The following TRIM2 variants were observed in gnomAD, a reference collection of about 807,000 sequenced individuals.
TRIM2 encodes tripartite motif containing 2, also known as tripartite motif-containing protein 2.
In TRIM2, 20 loss-of-function variants were observed where a neutral mutation model predicts 75.2. That is an observed-to-expected ratio of 0.27 (90% CI 0.19 to 0.39). TRIM2 has a LOEUF of 0.39. Ranked by LOEUF, TRIM2 falls within the 10% of genes least tolerant of loss-of-function variation. TRIM2 has a pLI of 1.00. For missense variants in TRIM2, 660 were observed against 990.8 expected, an observed-to-expected ratio of 0.67 and a Z score of 4.48; for synonymous variants, 373 against 388.3, an observed-to-expected ratio of 0.96 and a Z score of 0.46.
intron 1 of TRIM2, among the ~76,000 whole-genome samples, chr4:153,259,633 G>A (rs1190236688): frequency 6.6e-6 from 1 of 152,270 alleles, no homozygotes; most frequent in South Asian, 2.1e-4. Context: ...ATGATGATTT[G>A]CACATACCTG....
At chr4:153,216,258 A>G (rs1738440100) in intron 1 of TRIM2, among the ~76,000 whole-genome samples, 1 of 152,252 alleles carries the variant, frequency 6.6e-6, no homozygotes, top group South Asian at 2.1e-4. Flanking sequence ...AAGAAGATCA[A>G]TGTATCATCA....
At chr4:153,325,912 G>C (rs1770067663) in intron 10 of TRIM2, among the ~76,000 whole-genome samples, 1 of 152,198 alleles carries the variant, frequency 6.6e-6, no homozygotes, top group Admixed American at 6.5e-5. Flanking sequence ...TAAAACATAT[G>C]TAAGTAGCCA....
intron 6 of TRIM2, among the ~76,000 whole-genome samples, chr4:153,312,449 T>A (rs544170776): frequency 2.7e-5 from 4 of 149,216 alleles, no homozygotes; most frequent in East Asian, 2.0e-4. Context: ...AAAAAACACA[T>A]GAAAAAATGC....
rs1772764988 is a variant in TRIM2, at chr4:153,338,872, A to G, written c.*3906A>G. On this transcript the variant is annotated 3_prime_UTR_variant, in exon 12 of 12. Coordinates refer to ENST00000338700, the MANE Select transcript of TRIM2 (RefSeq NM_015271.5). The stretch of plus-strand genomic sequence containing the variant: ...ATGACATGGGAATGTTCTGTCATCA[A>G]TGGAGTGTATTCTTGTAATAGAATT... 2 of 985,622 alleles carry G rather than the reference A, an allele frequency of 2.0e-6. No individual in the cohort carries two copies. The highest frequency in any genetic ancestry group is 4.7e-5 in the South Asian group (1 of 21,288). 61.1% of individuals were successfully genotyped at this position (985,622 alleles called of 1,614,324 possible). A position where few individuals can be genotyped will look rare whatever the true frequency, so the allele number is the denominator to read the frequency against.
At chr4:153,230,854 T>C (rs1743432396) in intron 1 of TRIM2, among the ~76,000 whole-genome samples, 1 of 152,246 alleles carries the variant, frequency 6.6e-6, no homozygotes, top group Admixed American at 6.5e-5. Flanking sequence ...GGTAACTAGC[T>C]GAGCTCACTT....
intron 1 of TRIM2, among the ~76,000 whole-genome samples, chr4:153,178,186 G>T (rs926452612): frequency 3.9e-5 from 6 of 152,058 alleles, no homozygotes; most frequent in Admixed American, 1.3e-4. Flanking sequence ...GGACCCAAGA[G>T]CCCCACTGAG....
intron 3 of TRIM2, among the ~76,000 whole-genome samples, chr4:153,279,907 C>T (rs1039199369): frequency 1.3e-5 from 2 of 148,442 alleles, no homozygotes; most frequent in Non-Finnish European, 3.0e-5. Flanking sequence ...TGTGCCACTG[C>T]ACTCCAGCTT....
chr4:153,157,587 C>T (rs1729352002), intron 1 of TRIM2, among the ~76,000 whole-genome samples: 2 of 152,168 alleles, frequency 1.3e-5, no homozygotes, highest in African/African-American at 4.8e-5. Flanking sequence ...AGATGCTCTA[C>T]CCTGGCATAA....
chr4:153,185,153 C>T (rs1429391584), intron 1 of TRIM2, among the ~76,000 whole-genome samples: 1 of 152,002 alleles, frequency 6.6e-6, no homozygotes, highest in Non-Finnish European at 1.5e-5. Flanking sequence ...GAATGAATTC[C>T]AAAACAAATG....
rs3932869 is a variant in TRIM2, at chr4:153,315,497, G to A, written c.1523G>A (p.Arg508Lys). 3 of 1,599,882 alleles carry A rather than the reference G, an allele frequency of 1.9e-6. No individual in the cohort carries two copies. Among genetic ancestry groups the A allele is most frequent in the Non-Finnish European group, 2.6e-6 (3 of 1,176,442 alleles). ...TCATTTATTTTAGGTACCAAAGGAA[G>A]AAATAAAGGAGAGTTTACAAATCTT... Reference protein sequence around the residue: ...DLIFRVGTKGRNKGEFTNLQG... With the variant: ...DLIFRVGTKGKNKGEFTNLQG... Residue 508 changes from arginine to lysine, a missense_variant, in exon 7 of 12, where the codon AGA (arginine) becomes AAA (lysine). Transcript: ENST00000338700.
chr4:153,261,599 T>C (rs1185859766), intron 1 of TRIM2, among the ~76,000 whole-genome samples: 1 of 152,116 alleles, frequency 6.6e-6, no homozygotes, highest in Non-Finnish European at 1.5e-5. Flanking sequence ...TAAAATTTTG[T>C]TTTTCAGTAG....
chr4:153,166,632 C>T (rs2149604696), intron 1 of TRIM2, among the ~76,000 whole-genome samples: 1 of 152,044 alleles, frequency 6.6e-6, no homozygotes, highest in Admixed American at 6.5e-5. Context: ...TGCAACCTCA[C>T]CCTCAACCTG....
intron 8 of TRIM2, among the ~76,000 whole-genome samples, chr4:153,317,139 C>T (rs1767832665): frequency 6.7e-6 from 1 of 150,270 alleles, no homozygotes; most frequent in Non-Finnish European, 1.5e-5. Flanking sequence ...CTCGGCCTCC[C>T]AAAGTGCTGG....
At chr4:153,177,057 T>G (rs1731511248) in intron 1 of TRIM2, among the ~76,000 whole-genome samples, 1 of 152,236 alleles carries the variant, frequency 6.6e-6, no homozygotes, top group Non-Finnish European at 1.5e-5. Flanking sequence ...TTTCCAGGTC[T>G]CAGCTGCATC....
intron 1 of TRIM2, among the ~76,000 whole-genome samples, chr4:153,237,481 C>G (rs1467859771): frequency 6.6e-6 from 1 of 151,982 alleles, no homozygotes; most frequent in Non-Finnish European, 1.5e-5. Flanking sequence ...GAGTTTGAGA[C>G]CAGCCTGACC....
rs1561024277 is a variant in TRIM2, at chr4:153,328,510, T to G, written c.2023-20T>G. ...AGTATTTTGATGTAAAACAAAATAA[T>G]TTAAAAATATTTCATACAGGTGTTT... On this transcript the variant is annotated intron_variant, in intron 10 of 11. Transcript: ENST00000338700. 1 of 1,582,936 alleles carries G rather than the reference T, an allele frequency of 6.3e-7. No homozygotes were observed. Among genetic ancestry groups the G allele is most frequent in the Non-Finnish European group, 8.6e-7 (1 of 1,168,110 alleles).
intron 1 of TRIM2, among the ~76,000 whole-genome samples, chr4:153,249,334 C>T (rs1282114346): frequency 6.6e-6 from 1 of 152,146 alleles, no homozygotes; most frequent in African/African-American, 2.4e-5. Context: ...GCCCGGGCCC[C>T]GGCAGAGCCT....
rs561274533 is a variant in TRIM2 at position 153,228,879 on chromosome 4, CT to C, written c.30+24323del. On this transcript the variant is annotated intron_variant, in intron 1 of 11. Coordinates refer to ENST00000338700, the MANE Select transcript of TRIM2 (RefSeq NM_015271.5). ...AATTAGCCTTTGAGTATCCTTCATC[CT>C]TTTCCCCCCACAAATGGTGTCTCAA... Among the ~76,000 whole-genome samples, 983 of 152,270 alleles carry C rather than the reference CT, an allele frequency of 6.5e-3. 14 individuals are homozygous for C. The highest frequency in any genetic ancestry group is 0.022 in the African/African-American group (930 of 41,546).
chr4:153,194,003 A>G (rs1733505442), intron 1 of TRIM2, among the ~76,000 whole-genome samples: 1 of 152,216 alleles, frequency 6.6e-6, no homozygotes, highest in East Asian at 1.9e-4. Flanking sequence ...AGAAGCCTGG[A>G]CAAACTGAAT....
Sources: allele counts gnomAD v4.1 joint callset (sites outside exome capture counted in the v4.1 genomes callset), GRCh38; gene constraint gnomAD v4.1.1; transcripts MANE v1.5; gene names NCBI Gene and HGNC (gene_info 2026-07-23, HGNC 2026-07-21).